CIAO2B: variants seen among roughly 807,000 people sequenced by gnomAD.
The protein encoded by CIAO2B is cytosolic iron-sulfur assembly component 2B.
Under a neutral mutation model 16.4 loss-of-function variants are expected in CIAO2B, and 20 were observed. The ratio of observed to expected loss-of-function variants is 1.22; its 90% CI spans 0.86 to 1.77. The LOEUF (loss-of-function observed/expected upper bound fraction) is 1.77. Among genes scored for constraint, CIAO2B ranks in the 40% most tolerant of loss-of-function variants. The pLI is 0.00. For missense variants in CIAO2B, 215 were observed against 222.4 expected (o/e 0.97, Z 0.21); for synonymous variants, 106 against 90.4 (o/e 1.17, Z -0.98).
chr16:66,933,661 G>A lies in CIAO2B; in HGVS notation c.301C>T (p.Leu101=), dbSNP rs768015329. The part of the protein sequence containing the change: ...PHCSMATLIG[L]SIKVKLLRSL... ...CGCAGAAGCTTGACCTTGATGGACAGACCAATAAGGGTGGCCATGCTGCAG... is the reference window on the plus strand; with the variant it reads ...CGCAGAAGCTTGACCTTGATGGACAAACCAATAAGGGTGGCCATGCTGCAG... The change falls in exon 3 of 5, where the codon CTG becomes TTG. Residue 101 remains leucine, a synonymous_variant. Coordinates refer to ENST00000422424, the MANE Select transcript of CIAO2B (RefSeq NM_016062.4). The A allele has an allele frequency of 5.6e-6, 9 of 1,607,128 alleles. No individual in the cohort carries two copies. Among genetic ancestry groups the A allele is most frequent in the Non-Finnish European group, 6.8e-6 (8 of 1,176,808 alleles).
In CIAO2B at chr16:66,932,783, C is replaced by T; in HGVS notation, c.391G>A (p.Ala131Thr). The change falls in exon 4 of 5, where the codon GCA (alanine) becomes ACA (threonine). Residue 131 changes from alanine (A) to threonine (T), a missense_variant. Transcript: ENST00000422424. The stretch of plus-strand genomic sequence containing the variant: ...CTCACCACCAGTCCACACTTACCTG[C>T]ATGCTCTGAGGCATGGGTCCCCGGA... Reference protein sequence around the residue: ...ITPGTHASEHAVNKQLADKER... With the variant: ...ITPGTHASEHTVNKQLADKER... 2 of 1,610,666 alleles carry T rather than the reference C, an allele frequency of 1.2e-6. No individual in the cohort carries two copies. The highest frequency in any genetic ancestry group is 1.7e-6 in the Non-Finnish European group (2 of 1,178,468).
intron 3 of CIAO2B, chr16:66,933,387 A>G (rs1963100159): frequency 1.7e-6 from 1 of 603,524 alleles, no homozygotes; most frequent in African/African-American, 1.9e-5. Flanking sequence ...GCCGCTCCCT[A>G]CTGCCCTTCC....
intron 4 of CIAO2B, 24 bp downstream of exon 4, chr16:66,932,756 C>G: frequency 6.2e-7 from 1 of 1,605,276 alleles, no homozygotes; most frequent in Non-Finnish European, 8.5e-7. Flanking sequence ...CGGGCCAACA[C>G]CCTCACCACC....
At chr16:66,932,498 G>A (rs778349089) in intron 4 of CIAO2B, 198 bp from the exon 5 acceptor site, 14 of 718,296 alleles carry the variant, frequency 1.9e-5, no homozygotes, top group Non-Finnish European at 3.0e-5. Context: ...GCCTTCTTAG[G>A]ATCCCTCCCC....
At chr16:66,932,394 A>C in intron 4 of CIAO2B, 94 bp from the exon 5 acceptor site, 1 of 964,226 alleles carries the variant, frequency 1.0e-6, no homozygotes, top group Non-Finnish European at 1.6e-6. Flanking sequence ...TATATAGGAT[A>C]TGTCCCCCGC....
rs1436181014 is a variant in CIAO2B at position 66,932,246 on chromosome 16, TG to T, written c.448del (p.His150ThrfsTer6). The stretch of plus-strand genomic sequence containing the variant: ...GCACTGATTCACAACCTCCAAGAGG[TG>T]GGTGTTCTCCAGGGCAGCTGCCACC... ...ERVAAALENTHLLEVVNQCLS... is the reference protein window; with the variant it reads ...ERVAAALENTXLLEVVNQCLS... On this transcript the variant is annotated frameshift_variant, in exon 5 of 5. Transcript: ENST00000422424. LOFTEE classifies it high-confidence loss of function. 1.2e-6 allele frequency: 2 copies of T among 1,613,510 alleles called. No homozygotes were observed. Among genetic ancestry groups the T allele is most frequent in the African/African-American group, 2.7e-5 (2 of 74,808 alleles).
At chr16:66,932,607 T>C in intron 4 of CIAO2B, 173 bp downstream of exon 4, 1 of 793,844 alleles carries the variant, frequency 1.3e-6, no homozygotes, top group East Asian at 2.7e-5. Context: ...CAAAGGAGAG[T>C]CTTCTCAGGC....
chr16:66,933,439 T>C (rs190036897), intron 3 of CIAO2B, 175 bp downstream of exon 3: 2 of 874,116 alleles, frequency 2.3e-6, no homozygotes, highest in Non-Finnish European at 3.4e-6. Context: ...CCAGCTCAGA[T>C]CTTTATTCTT....
intron 3 of CIAO2B, 199 bp downstream of exon 3, chr16:66,933,415 C>T (rs900129486): frequency 1.3e-6 from 1 of 764,536 alleles, no homozygotes; most frequent in Non-Finnish European, 2.0e-6. Flanking sequence ...CTCTTCAATA[C>T]TTTTCTCCAC....
rs368762368 is a variant in CIAO2B, at chr16:66,932,743, G to A, written c.394+37C>T. ...GGAAGCCTCAGACTGCTTAGGGGGTGCCCGGGCCAACACCCTCACCACCAG... is the reference window on the plus strand; with the variant it reads ...GGAAGCCTCAGACTGCTTAGGGGGTACCCGGGCCAACACCCTCACCACCAG... On this transcript the variant is annotated intron_variant, in intron 4 of 4. Coordinates refer to ENST00000422424, the MANE Select transcript of CIAO2B (RefSeq NM_016062.4). The A allele has an allele frequency of 2.8e-5, 45 of 1,593,650 alleles. No homozygotes were observed. The African/African-American group carries it at 4.7e-4, about 17-fold the overall frequency.
At chr16:66,932,985 T>A (rs955055857) in intron 3 of CIAO2B, among the ~76,000 whole-genome samples, 160 bp from the exon 4 acceptor site, 3 of 151,240 alleles carry the variant, frequency 2.0e-5, no homozygotes, top group Non-Finnish European at 4.4e-5. Context: ...CCACAGGTAT[T>A]CCAATTCTTT....
chr16:66,933,399 G>A, intron 3 of CIAO2B: 1 of 670,552 alleles, frequency 1.5e-6, no homozygotes, highest in Non-Finnish European at 2.4e-6. Flanking sequence ...TGCCCTTCCT[G>A]CCACACTCTT....
At position 66,932,159 on chromosome 16, in the gene CIAO2B, G is replaced by T; in HGVS notation, c.*44C>A. 6.9e-7 allele frequency: 1 copy of T among 1,444,208 alleles called. No homozygotes were observed. The highest frequency in any genetic ancestry group is 2.3e-5 in the East Asian group (1 of 43,188). 89.5% of individuals were successfully genotyped at this position (1,444,208 alleles called of 1,614,324 possible). A position where few individuals can be genotyped will look rare whatever the true frequency, so the allele number is the denominator to read the frequency against. On this transcript the variant is annotated 3_prime_UTR_variant, in exon 5 of 5. Coordinates refer to ENST00000422424, the MANE Select transcript of CIAO2B (RefSeq NM_016062.4). The stretch of plus-strand genomic sequence containing the variant: ...ACGGTAACAGCCCTGGCAGGAGCTG[G>T]GACCAGGATACCAGTATGCAGGCTG...
Position 66,934,172 on chromosome 16 carries a change from C to T in CIAO2B, c.142+51G>A, listed in dbSNP as rs1032084435. ...CCACCAGCTGCTCGATATCACTGCT[C>T]CCCCCACCGCAAGCCCCCGGAACCC... is the stretch of plus-strand genomic sequence containing the variant. On this transcript the variant is annotated intron_variant, in intron 1 of 4. Transcript: ENST00000422424. This position sits in a 1 kb window ranked among gnomAD's most constrained non-coding sequence, Gnocchi z 4.1. 5 of 1,608,704 alleles carry T rather than the reference C, an allele frequency of 3.1e-6. No individual in the cohort carries two copies. Among genetic ancestry groups the T allele is most frequent in the Non-Finnish European group, 4.2e-6 (5 of 1,177,814 alleles).
Position 66,932,241 on chromosome 16 carries a change from A to G in CIAO2B, c.454T>C (p.Leu152=), listed in dbSNP as rs1350875106. Residue 152 remains leucine, a synonymous_variant, in exon 5 of 5, where the codon TTG becomes CTG. Coordinates refer to ENST00000422424, the MANE Select transcript of CIAO2B (RefSeq NM_016062.4). ...VAAALENTHL[L]EVVNQCLSAR... is the part of the protein sequence containing the mutation. ...GACAGGCACTGATTCACAACCTCCAAGAGGTGGGTGTTCTCCAGGGCAGCT... is the reference window on the plus strand; with the variant it reads ...GACAGGCACTGATTCACAACCTCCAGGAGGTGGGTGTTCTCCAGGGCAGCT... The G allele has an allele frequency of 1.9e-6, 3 of 1,613,786 alleles. No individual in the cohort carries two copies. The highest frequency in any genetic ancestry group is 2.7e-5 in the African/African-American group (2 of 74,904).
chr16:66,933,849 C>T (rs1963120592), intron 2 of CIAO2B, 110 bp from the exon 3 acceptor site: 1 of 1,536,390 alleles, frequency 6.5e-7, no homozygotes, highest in African/African-American at 1.4e-5. Flanking sequence ...TCAGTTTCAA[C>T]ACCCATAAAA....
chr16:66,932,296 G>T lies in CIAO2B; in HGVS notation c.399C>A (p.Asn133Lys). ...CCCGCTCCTTATCTGCAAGTTGCTT[G>T]TTCACTAGGTGGGAAGAAGGGTGTG... ...PGTHASEHAV[N>K]KQLADKERVA... Residue 133 changes from asparagine to lysine, a missense_variant, in exon 5 of 5, where the codon AAC (asparagine) becomes AAA (lysine). Asn to Lys is a moderately conservative substitution (Grantham distance 94). Coordinates refer to ENST00000422424, the MANE Select transcript of CIAO2B (RefSeq NM_016062.4). 6.2e-7 allele frequency: 1 copy of T among 1,613,570 alleles called. No individual in the cohort carries two copies. The highest frequency in any genetic ancestry group is 8.5e-7 in the Non-Finnish European group (1 of 1,179,588).
Position 66,932,799 on chromosome 16 carries a change from G to A in CIAO2B, c.375C>T (p.Thr125=). 1.2e-6 allele frequency: 2 copies of A among 1,611,672 alleles called. No individual in the cohort carries two copies. The highest frequency in any genetic ancestry group is 1.7e-6 in the Non-Finnish European group (2 of 1,178,968). Residue 125 remains threonine, a synonymous_variant, in exon 4 of 5, where the codon ACC becomes ACT. Coordinates refer to ENST00000422424, the MANE Select transcript of CIAO2B (RefSeq NM_016062.4). ...FKMDVHITPG[T]HASEHAVNKQ... ...ACTTACCTGCATGCTCTGAGGCATG[G>A]GTCCCCGGAGTAATGTGCACGTCCA...
chr16:66,932,360 T>C (rs1014008645), intron 4 of CIAO2B, 60 bp from the exon 5 acceptor site: 9 of 1,359,934 alleles, frequency 6.6e-6, no homozygotes, highest in Non-Finnish European at 5.2e-6. Flanking sequence ...GCCAGAGTGC[T>C]AGCCAGCCCT....
Sources: gnomAD v4.1 joint callset for allele counts (sites outside exome capture counted in the v4.1 genomes callset) on GRCh38, gnomAD v4.1.1 for gene constraint, Gnocchi (gnomAD v3.1) non-coding constraint, MANE v1.5 for transcripts, NCBI Gene and HGNC (gene_info 2026-07-23, HGNC 2026-07-21) for gene names.